ARHGAP6: variants seen among roughly 807,000 people sequenced by gnomAD.
ARHGAP6 encodes the protein Rho GTPase activating protein 6, also known as rho GTPase-activating protein 6.
ARHGAP6 carries 16 observed loss-of-function variants against 55.7 expected under a neutral mutation model. That is an observed-to-expected ratio of 0.29 (90% confidence interval 0.19 to 0.44). ARHGAP6 has a LOEUF of 0.44. Ranked by LOEUF, ARHGAP6 falls within the 20% of genes least tolerant of loss-of-function variation. The probability of loss-of-function intolerance (pLI) is 1.00; values close to 1 mark genes in which losing one functional copy is unlikely to be tolerated. For missense variants in ARHGAP6, 698 were observed against 808.9 expected, an observed-to-expected ratio of 0.86 and a Z score of 1.66; for synonymous variants, 382 against 360.9, an observed-to-expected ratio of 1.06 and a Z score of -0.66.
chrX:11,509,179 T>C (rs912337631), intron 1 of ARHGAP6, among the ~76,000 whole-genome samples: 2 of 111,840 alleles, frequency 1.8e-5, no homozygotes, highest in Admixed American at 9.5e-5. Context: ...ACAGAGTTCA[T>C]CATACTGGGG....
intron 2 of ARHGAP6, among the ~76,000 whole-genome samples, chrX:11,248,768 T>C (rs1023370142): frequency 3.6e-5 from 4 of 111,558 alleles, no homozygotes; most frequent in Non-Finnish European, 7.5e-5. Flanking sequence ...CAAAAAATAA[T>C]AGATGTTGGT....
intron 10 of ARHGAP6, among the ~76,000 whole-genome samples, chrX:11,147,397 G>A (rs1307824281): frequency 1.8e-5 from 2 of 112,738 alleles, no homozygotes; most frequent in Non-Finnish European, 3.7e-5. Flanking sequence ...TAAAGACACA[G>A]AACAGAGAGA....
chrX:11,644,010 C>A (rs1002723189), intron 1 of ARHGAP6, among the ~76,000 whole-genome samples: 3 of 111,821 alleles, frequency 2.7e-5, no homozygotes, highest in African/African-American at 9.7e-5. Context: ...ATTAACTATC[C>A]ATTGTTGCAT....
chrX:11,432,866 T>A (rs1243607858), intron 1 of ARHGAP6, among the ~76,000 whole-genome samples: 1 of 112,106 alleles, frequency 8.9e-6, no homozygotes, highest in East Asian at 2.8e-4. Context: ...AGGGAGGACA[T>A]CTCATTAGGC....
rs186446116 is a variant in ARHGAP6, at chrX:11,524,274, C to T, written c.588+139967G>A. On this transcript the variant is annotated intron_variant, in intron 1 of 12. Coordinates refer to ENST00000337414, the MANE Select transcript of ARHGAP6 (RefSeq NM_013427.3). ...TAGTCAATGGAACATGAGAGGAAGACGTGTGTGTTATTGCCGGATTTTACC... is the reference window on the plus strand; with the variant it reads ...TAGTCAATGGAACATGAGAGGAAGATGTGTGTGTTATTGCCGGATTTTACC... Among the ~76,000 whole-genome samples, 53 of 111,507 alleles carry T rather than the reference C, an allele frequency of 4.8e-4. No homozygotes were observed. In the East Asian group the frequency reaches 0.015, roughly 32 times the overall value.
chrX:11,333,451 C>T (rs1303370345), intron 1 of ARHGAP6, among the ~76,000 whole-genome samples: 1 of 111,952 alleles, frequency 8.9e-6, no homozygotes, highest in Non-Finnish European at 1.9e-5. Flanking sequence ...GCCTCCCCAA[C>T]CATGCTGAAC....
chrX:11,603,731 T>G lies in ARHGAP6; in HGVS notation c.588+60510A>C, dbSNP rs915844945. ...ACTTAGAGAAGAAAACAGGATTGTG[T>G]GTAGAGAAGACCTAGGTTTACACAT... is the stretch of plus-strand genomic sequence containing the variant. On this transcript the variant is annotated intron_variant, in intron 1 of 12. Coordinates refer to ENST00000337414, the MANE Select transcript of ARHGAP6 (RefSeq NM_013427.3). Among the ~76,000 whole-genome samples, 7 of 112,240 alleles carry G rather than the reference T, an allele frequency of 6.2e-5. 1 individual carries two copies.
chrX:11,241,902 CT>C (rs2047287663), intron 2 of ARHGAP6, among the ~76,000 whole-genome samples: 1 of 111,507 alleles, frequency 9.0e-6, no homozygotes, highest in Non-Finnish European at 1.9e-5. Flanking sequence ...AGGGCTGAGG[CT>C]CCCCAAAGTA....
chrX:11,358,681 C>T (rs1423531843), intron 1 of ARHGAP6, among the ~76,000 whole-genome samples: 1 of 110,287 alleles, frequency 9.1e-6, no homozygotes, highest in Non-Finnish European at 1.9e-5. Context: ...GGGGTTTCTC[C>T]ATGTTGGTCA....
At chrX:11,251,813 C>T (rs1457245209) in intron 2 of ARHGAP6, among the ~76,000 whole-genome samples, 1 of 111,667 alleles carries the variant, frequency 9.0e-6, no homozygotes, top group African/African-American at 3.3e-5. Context: ...TAGAGCTTGC[C>T]ACCAGCCACA....
intron 3 of ARHGAP6, among the ~76,000 whole-genome samples, chrX:11,189,304 C>T (rs906715266): frequency 4.5e-5 from 5 of 111,764 alleles, no homozygotes; most frequent in African/African-American, 1.3e-4. Flanking sequence ...CAATGGGAGG[C>T]GCAAAGCTTA....
In ARHGAP6 at chrX:11,148,377, G is replaced by A. The variant is rs73496342; in HGVS notation, c.1908-4129C>T. Among the ~76,000 whole-genome samples the A allele has an allele frequency of 4.9e-3, 548 of 111,560 alleles. 2 individuals carry two copies. The highest frequency in any genetic ancestry group is 0.017 in the African/African-American group (524 of 30,651). ...AGTTTGATGGATTGAGGTTCAGAAT[G>A]TTGGGTGAATGAGTTGCCAGTTGAC... On this transcript the variant is annotated intron_variant, in intron 10 of 12. Coordinates refer to ENST00000337414, the MANE Select transcript of ARHGAP6 (RefSeq NM_013427.3).
intron 1 of ARHGAP6, among the ~76,000 whole-genome samples, chrX:11,303,962 C>G (rs775131150): frequency 2.7e-4 from 30 of 112,094 alleles, no homozygotes; most frequent in Admixed American, 7.5e-4. Context: ...TTCTTGTAAT[C>G]AGAAAGAGAG....
At chrX:11,491,687 T>C (rs1292342339) in intron 1 of ARHGAP6, among the ~76,000 whole-genome samples, 4 of 111,636 alleles carry the variant, frequency 3.6e-5, no homozygotes, top group African/African-American at 1.3e-4. Flanking sequence ...TGTGCATGTG[T>C]CTTTATAGCA....
At chrX:11,340,714 G>A in intron 1 of ARHGAP6, among the ~76,000 whole-genome samples, 1 of 106,956 alleles carries the variant, frequency 9.3e-6, no homozygotes, top group South Asian at 4.1e-4. Context: ...GGGAGAAAGA[G>A]TGAGACTCCG....
intron 2 of ARHGAP6, among the ~76,000 whole-genome samples, chrX:11,252,902 C>T (rs1271901702): frequency 5.4e-5 from 6 of 111,823 alleles, no homozygotes; most frequent in Non-Finnish European, 7.5e-5. Context: ...AGCCTCCTAC[C>T]GCAGAGGCAA....
At chrX:11,558,038 A>G (rs2051339563) in intron 1 of ARHGAP6, among the ~76,000 whole-genome samples, 1 of 112,048 alleles carries the variant, frequency 8.9e-6, no homozygotes, top group African/African-American at 3.2e-5. Context: ...ATCTGGAATT[A>G]TTGGGACAGA....
chrX:11,592,389 C>T (rs2051846188), intron 1 of ARHGAP6, among the ~76,000 whole-genome samples: 1 of 111,810 alleles, frequency 8.9e-6, no homozygotes, highest in Non-Finnish European at 1.9e-5. Flanking sequence ...GAAAGAGATA[C>T]AAGTACTTGG....
rs187025938 is a variant in ARHGAP6, at chrX:11,615,894, C to T, written c.588+48347G>A. Among the ~76,000 whole-genome samples, 298 of 111,827 alleles carry T rather than the reference C, an allele frequency of 2.7e-3. 1 individual carries two copies. Among genetic ancestry groups the T allele is most frequent in the African/African-American group, 9.3e-3 (285 of 30,782 alleles). On this transcript the variant is annotated intron_variant, in intron 1 of 12. Coordinates refer to ENST00000337414, the MANE Select transcript of ARHGAP6 (RefSeq NM_013427.3). ...CTATGTTAACAATTTAAAGTGGCTC[C>T]TCTTTCAAGGTCACAGTAATGTATG...
Sources: gnomAD v4.1 joint callset for allele counts (sites outside exome capture counted in the v4.1 genomes callset) on GRCh38, gnomAD v4.1.1 for gene constraint, MANE v1.5 for transcripts, NCBI Gene and HGNC (gene_info 2026-07-23, HGNC 2026-07-21) for gene names.